Variants in UNC79 observed in about 807,000 individuals in gnomAD.
The protein encoded by UNC79 is protein unc-79 homolog.
Under a neutral mutation model 283.1 loss-of-function variants are expected in UNC79, and 37 were observed. That is an observed-to-expected ratio of 0.13 (90% CI 0.10 to 0.17). UNC79 has a LOEUF of 0.17. UNC79 is among the 10% of genes least tolerant of loss of function. UNC79 has a pLI of 1.00. For synonymous variants in UNC79, 1,107 were observed against 1,200.2 expected, an observed-to-expected ratio of 0.92 and a Z score of 1.61; for missense variants, 2,272 against 3,211.1, an observed-to-expected ratio of 0.71 and a Z score of 7.07.
intron 27 of UNC79, among the ~76,000 whole-genome samples, chr14:93,614,631 T>C (rs1230622864): frequency 6.8e-6 from 1 of 146,010 alleles, no homozygotes; most frequent in East Asian, 2.0e-4. Flanking sequence ...TGTTTGTGTG[T>C]GTTTAAAAAA....
At chr14:93,559,960 C>T (rs1052335363) in intron 14 of UNC79, among the ~76,000 whole-genome samples, 3 of 151,876 alleles carry the variant, frequency 2.0e-5, no homozygotes, top group African/African-American at 7.3e-5. Context: ...AGGGGTGCTT[C>T]AAGCGGGATT....
chr14:93,704,487 G>A lies in UNC79; in HGVS notation c.7549-138G>A, dbSNP rs1051876860. On this transcript the variant is annotated intron_variant, in intron 47 of 48. Transcript: ENST00000555664. ...CTCAGAAAGACATTTTGCTGATAAC[G>A]GGTAGCCCTGCAGCAGGGCCCACAT... 7.2e-6 allele frequency: 7 copies of A among 966,422 alleles called. No individual in the cohort carries two copies. In the East Asian group the frequency reaches 7.5e-5, roughly 10 times the overall value. 59.9% of individuals were successfully genotyped at this position (966,422 alleles called of 1,614,324 possible).
chr14:93,535,940 T>G (rs1200156659), intron 11 of UNC79, among the ~76,000 whole-genome samples: 1 of 152,192 alleles, frequency 6.6e-6, no homozygotes, highest in African/African-American at 2.4e-5. Context: ...AGAACCCGCC[T>G]CTGGTCACAG....
At position 93,403,241 on chromosome 14, in the gene UNC79, G is replaced by A. The variant is rs76408428; in HGVS notation, c.-350-64430G>A. Among the ~76,000 whole-genome samples, 1,296 of 152,294 alleles carry A rather than the reference G, an allele frequency of 8.5e-3. 7 individuals are homozygous for A. Among genetic ancestry groups the A allele is most frequent in the Non-Finnish European group, 0.013 (876 of 68,018 alleles). ...AAGCAATCAGATATGCATTTTTCTC[G>A]TGTAAGCAGAGGGATGACTTTGAGT... On this transcript the variant is annotated intron_variant, in intron 1 of 49. Coordinates refer to the UNC79 transcript ENST00000256339.
chr14:93,334,228 T>G (rs961926730), intron 1 of UNC79, among the ~76,000 whole-genome samples: 1 of 152,244 alleles, frequency 6.6e-6, no homozygotes, highest in East Asian at 1.9e-4. Flanking sequence ...TCCTTCAGAT[T>G]TGTATTTTCC....
At chr14:93,336,049 C>T (rs2053572474) in intron 1 of UNC79, among the ~76,000 whole-genome samples, 1 of 152,186 alleles carries the variant, frequency 6.6e-6, no homozygotes, top group African/African-American at 2.4e-5. Context: ...CATGGTCTGT[C>T]ACTCCAGTCT....
rs530647834 is a variant in UNC79 at position 93,688,581 on chromosome 14, A to G, written c.6910-84A>G. On this transcript the variant is annotated intron_variant, in intron 43 of 48. Transcript: ENST00000555664. The surrounding 1 kb of genome is among the most constrained non-coding windows in gnomAD (Gnocchi z 4.0). Reference sequence around the variant, plus strand: ...TCAGAGTGGCGATAAGCGGGGTGGAAATGACAACCTCTTCTTTTCAAAGAA... The same window carrying G: ...TCAGAGTGGCGATAAGCGGGGTGGAGATGACAACCTCTTCTTTTCAAAGAA... 8 of 1,489,930 alleles carry G rather than the reference A, an allele frequency of 5.4e-6. No individual in the cohort carries two copies. In the South Asian group the frequency reaches 9.2e-5, roughly 17 times the overall value. The allele number at this position is 1,489,930 out of a possible 1,614,324, so 92.3% of individuals were successfully genotyped here.
chr14:93,605,854 A>G (rs2065851322), intron 26 of UNC79, among the ~76,000 whole-genome samples: 1 of 152,206 alleles, frequency 6.6e-6, no homozygotes, highest in Non-Finnish European at 1.5e-5. Context: ...CAGACAGCAG[A>G]TGGTGGCCAA....
intron 12 of UNC79, 122 bp downstream of exon 12, chr14:93,538,340 TC>T: frequency 1.0e-6 from 1 of 982,168 alleles, no homozygotes; most frequent in Non-Finnish European, 1.4e-6. Context: ...ATGCTCACCT[TC>T]CCACAGTGTT....
At chr14:93,540,887 A>G in intron 13 of UNC79, 56 bp downstream of exon 13, 1 of 1,603,186 alleles carries the variant, frequency 6.2e-7, no homozygotes, top group Non-Finnish European at 8.5e-7. Flanking sequence ...TCAAAATTGT[A>G]CTGAAGAGGA....
intron 45 of UNC79, chr14:93,691,001 G>C (rs1168258963): frequency 1.3e-5 from 2 of 153,300 alleles, no homozygotes; most frequent in South Asian, 2.0e-4. Context: ...GCAAGCTGAC[G>C]ATGTGATAAA....
At chr14:93,677,531 A>AT (rs2073449408) in intron 41 of UNC79, among the ~76,000 whole-genome samples, 1 of 152,198 alleles carries the variant, frequency 6.6e-6, no homozygotes, top group East Asian at 1.9e-4. Flanking sequence ...TCACCATTCA[A>AT]TTATCTCCAC....
At chr14:93,654,741 C>T (rs2070738665) in intron 37 of UNC79, among the ~76,000 whole-genome samples, 1 of 152,090 alleles carries the variant, frequency 6.6e-6, no homozygotes, top group Non-Finnish European at 1.5e-5. Flanking sequence ...TAAGTCGTGA[C>T]CTTGCTTCCA....
chr14:93,418,600 G>A (rs2055517544), intron 1 of UNC79, among the ~76,000 whole-genome samples: 3 of 151,768 alleles, frequency 2.0e-5, no homozygotes, highest in Non-Finnish European at 4.4e-5. Context: ...CTGTCTTTTT[G>A]TTTGTCTGTG....
At chr14:93,670,724 C>A (rs528840152) in intron 40 of UNC79, among the ~76,000 whole-genome samples, 10 of 152,318 alleles carry the variant, frequency 6.6e-5, no homozygotes, top group African/African-American at 2.4e-4. Context: ...AAGCACTTCT[C>A]TAAAGGTTGA....
intron 27 of UNC79, among the ~76,000 whole-genome samples, chr14:93,616,493 C>CAGGCTCA (rs2066739810): frequency 6.6e-6 from 1 of 151,502 alleles, no homozygotes; most frequent in Non-Finnish European, 1.5e-5. Flanking sequence ...CTCAGCCTCC[C>CAGGCTCA]GAGTAGCTAG....
At chr14:93,525,505 A>G (rs1178551266) in intron 8 of UNC79, among the ~76,000 whole-genome samples, 1 of 151,894 alleles carries the variant, frequency 6.6e-6, no homozygotes, top group Non-Finnish European at 1.5e-5. Context: ...GGCCCTTCCC[A>G]TTCTACTGTG....
intron 1 of UNC79, among the ~76,000 whole-genome samples, chr14:93,385,470 A>G (rs2054751521): frequency 6.6e-6 from 1 of 152,042 alleles, no homozygotes; most frequent in Non-Finnish European, 1.5e-5. Flanking sequence ...CAGATTTTTC[A>G]CTATTGACAT....
intron 3 of UNC79, among the ~76,000 whole-genome samples, chr14:93,477,017 G>A (rs1006820525): frequency 2.5e-4 from 38 of 152,162 alleles, no homozygotes; most frequent in African/African-American, 8.7e-4. Flanking sequence ...TTATTAGGTA[G>A]CACTTCCTCC....
Sources: allele counts gnomAD v4.1 joint callset (sites outside exome capture counted in the v4.1 genomes callset), GRCh38; gene constraint gnomAD v4.1.1; non-coding constraint Gnocchi (gnomAD v3.1); transcripts MANE v1.5; gene names NCBI Gene and HGNC (gene_info 2026-07-23, HGNC 2026-07-21).